Variants in TRAF5 observed in about 807,000 individuals in gnomAD.
TRAF5 encodes TNF receptor associated factor 5.
A neutral mutation model predicts 64.5 loss-of-function variants in TRAF5; 48 were observed. That is an observed-to-expected ratio of 0.74 (90% CI 0.59 to 0.95). TRAF5 has a LOEUF of 0.95. TRAF5 is among the 40% of genes least tolerant of loss of function. The pLI is 0.00. For synonymous variants in TRAF5, 206 were observed against 240.5 expected (o/e 0.86, Z 1.33); for missense variants, 545 against 662.8 (o/e 0.82, Z 1.95).
At chr1:211,331,213 A>C (rs984610336) in intron 1 of TRAF5, among the ~76,000 whole-genome samples, 1 of 152,076 alleles carries the variant, frequency 6.6e-6, no homozygotes, top group African/African-American at 2.4e-5. Flanking sequence ...CCCCAGGTCC[A>C]TCTGTATTCA....
At chr1:211,356,245 G>C in intron 3 of TRAF5, 122 bp from the exon 4 acceptor site, 1 of 665,900 alleles carries the variant, frequency 1.5e-6, no homozygotes. Flanking sequence ...TTCCATTCCA[G>C]CTGATGTCTG....
At chr1:211,346,330 C>G (rs1702606270) in intron 1 of TRAF5, 3 of 982,352 alleles carry the variant, frequency 3.1e-6, no homozygotes, top group Non-Finnish European at 3.6e-6. Flanking sequence ...TGCAACGTCA[C>G]AGCCTCTGCA....
chr1:211,334,871 C>T (rs946119096), intron 1 of TRAF5, among the ~76,000 whole-genome samples: 4 of 152,176 alleles, frequency 2.6e-5, no homozygotes, highest in African/African-American at 9.7e-5. Context: ...TTCATAATCT[C>T]ATCTGTCCTG....
At chr1:211,371,558 C>T (rs1703523038) in intron 10 of TRAF5, 88 bp downstream of exon 10, 2 of 1,292,564 alleles carry the variant, frequency 1.5e-6, no homozygotes, top group South Asian at 2.7e-5. Context: ...AATAGAGAGT[C>T]ACATCTGTCC....
intron 9 of TRAF5, among the ~76,000 whole-genome samples, chr1:211,370,299 G>C (rs1703480088): frequency 6.6e-6 from 1 of 151,480 alleles, no homozygotes; most frequent in Non-Finnish European, 1.5e-5. Context: ...TGTGGTGTAG[G>C]CAATATATTT....
intron 1 of TRAF5, among the ~76,000 whole-genome samples, chr1:211,352,641 A>C (rs1432623545): frequency 1.3e-5 from 2 of 151,802 alleles, no homozygotes; most frequent in African/African-American, 4.8e-5. Context: ...AAAAGAAAAA[A>C]AGTATTAGTC....
chr1:211,338,561 G>A (rs762968055), intron 1 of TRAF5, among the ~76,000 whole-genome samples: 2 of 152,314 alleles, frequency 1.3e-5, no homozygotes, highest in South Asian at 4.1e-4. Flanking sequence ...CAGGAATTGT[G>A]TGATAATAAT....
intron 8 of TRAF5, 60 bp downstream of exon 8, chr1:211,365,528 T>C: frequency 2.3e-6 from 3 of 1,311,674 alleles, no homozygotes; most frequent in South Asian, 2.5e-5. Context: ...ATTTACCTGC[T>C]CTATGCTGGT....
At position 211,354,394 on chromosome 1, in the gene TRAF5, T is replaced by C. The variant is rs767302111; in HGVS notation, c.219-16T>C. ...TAAACAACTAACTCTGGCTCCATTTTAATTTTTTTCTCCAGAGAATTAAAC... is the reference window on the plus strand; with the variant it reads ...TAAACAACTAACTCTGGCTCCATTTCAATTTTTTTCTCCAGAGAATTAAAC... On this transcript the variant is annotated splice_polypyrimidine_tract_variant and intron_variant, in intron 2 of 10. Transcript: ENST00000261464. The C allele has an allele frequency of 4.3e-6, 7 of 1,613,714 alleles. No individual in the cohort carries two copies. The highest frequency in any genetic ancestry group is 1.7e-6 in the Non-Finnish European group (2 of 1,179,714).
chr1:211,368,803 T>C (rs1328046757), intron 8 of TRAF5: 1 of 152,204 alleles, frequency 6.6e-6, no homozygotes, highest in Non-Finnish European at 1.5e-5. Context: ...GCTGGATGGG[T>C]TACTTAAACT....
rs371227861 is a variant in TRAF5 at position 211,372,711 on chromosome 1, A to G, written c.*9A>G. The G allele has an allele frequency of 5.0e-5, 80 of 1,611,152 alleles. No individual in the cohort carries two copies. The highest frequency in any genetic ancestry group is 3.3e-4 in the Middle Eastern group (2 of 6,066). ...ACCTGGAGGATCTCTAGTCACTGTT[A>G]TGGGGTGATAAGAGGACTTCTTGGG... On this transcript the variant is annotated 3_prime_UTR_variant, in exon 11 of 11. Coordinates refer to ENST00000261464, the MANE Select transcript of TRAF5 (RefSeq NM_001033910.3).
chr1:211,351,031 C>CTTTT (rs11426853), intron 1 of TRAF5, among the ~76,000 whole-genome samples: 46 of 116,010 alleles, frequency 4.0e-4, no homozygotes, highest in Non-Finnish European at 5.1e-4. Flanking sequence ...CTGGCCTCTT[C>CTTTT]TTTTTTTTTT....
intron 8 of TRAF5, among the ~76,000 whole-genome samples, chr1:211,368,390 A>G (rs1703421013): frequency 6.6e-6 from 1 of 152,212 alleles, no homozygotes; most frequent in Non-Finnish European, 1.5e-5. Flanking sequence ...CATTCATTTA[A>G]CAAATATTTA....
chr1:211,341,868 C>A (rs1245573418), intron 1 of TRAF5, among the ~76,000 whole-genome samples: 1 of 152,190 alleles, frequency 6.6e-6, no homozygotes, highest in East Asian at 1.9e-4. Flanking sequence ...TCCAGTGTAA[C>A]CATGAATTCA....
intron 1 of TRAF5, among the ~76,000 whole-genome samples, chr1:211,330,724 G>A (rs1572049008): frequency 1.3e-5 from 2 of 152,112 alleles, no homozygotes; most frequent in African/African-American, 4.8e-5. Context: ...ACCAGCCCAC[G>A]CTGCAGCTAT....
Position 211,372,282 on chromosome 1 carries a change from A to G in TRAF5, c.1254A>G (p.Arg418=), listed in dbSNP as rs1236870875. The G allele has an allele frequency of 1.2e-6, 2 of 1,614,162 alleles. No homozygotes were observed. The highest frequency in any genetic ancestry group is 4.5e-5 in the East Asian group (2 of 44,872). ...WKVTDYKMKK[R]EAVDGHTVSI... is the part of the protein sequence containing the mutation. Reference sequence around the variant, plus strand: ...TGACAGATTACAAGATGAAGAAGAGAGAGGCGGTGGATGGGCACACAGTGT... The same window carrying G: ...TGACAGATTACAAGATGAAGAAGAGGGAGGCGGTGGATGGGCACACAGTGT... The change falls in exon 11 of 11, where the codon AGA becomes AGG. Residue 418 remains arginine, a synonymous_variant. Transcript: ENST00000261464.
intron 1 of TRAF5, among the ~76,000 whole-genome samples, chr1:211,338,837 T>C (rs1702373549): frequency 6.6e-6 from 1 of 152,088 alleles, no homozygotes; most frequent in South Asian, 2.1e-4. Context: ...GTTGCCCAGG[T>C]TGGTCTCGAA....
chr1:211,372,695 A>T lies in TRAF5; in HGVS notation c.1667A>T (p.Asp556Val). The change falls in exon 11 of 11, where the codon GAT becomes GTT. Residue 556 changes from aspartate (D) to valine (V), a missense_variant. Physicochemically the swap from Asp to Val is radical, Grantham distance 152 (BLOSUM62 -3). Transcript: ENST00000261464. ...GCCGTGGACTTAACTGACCTGGAGG[A>T]TCTCTAGTCACTGTTATGGGGTGAT... The part of the protein sequence containing the change: ...KVAVDLTDLE[D>V]L The T allele has an allele frequency of 6.2e-7, 1 of 1,613,940 alleles. No homozygotes were observed. Among genetic ancestry groups the T allele is most frequent in the Non-Finnish European group, 8.5e-7 (1 of 1,179,864 alleles).
rs1703635511 is a variant in TRAF5, at chr1:211,374,559, TAG to T, written c.*1860_*1861del. The T allele has an allele frequency of 6.6e-6, 1 of 152,228 alleles. No individual in the cohort carries two copies. The highest frequency in any genetic ancestry group is 6.5e-5 in the Admixed American group (1 of 15,284). The allele number at this position is 152,228 out of a possible 1,614,324, so 9.4% of individuals were successfully genotyped here. A position where few individuals can be genotyped will look rare whatever the true frequency, so the allele number is the denominator to read the frequency against. ...TCACAACAGGAATATACTGAAGAAC[TAG>T]AGTGTCACTGCTGGTGAACTGTGGC... On this transcript the variant is annotated 3_prime_UTR_variant, in exon 11 of 11. Transcript: ENST00000261464.
Sources: gnomAD v4.1 joint callset for allele counts (sites outside exome capture counted in the v4.1 genomes callset) on GRCh38, gnomAD v4.1.1 for gene constraint, MANE v1.5 for transcripts, NCBI Gene and HGNC (gene_info 2026-07-23, HGNC 2026-07-21) for gene names.